NLGN4X: variants seen among roughly 807,000 people sequenced by gnomAD.
NLGN4X encodes the protein neuroligin 4 X-linked.
Under a neutral mutation model 40.3 loss-of-function variants are expected in NLGN4X, and 3 were observed. The ratio of observed to expected loss-of-function variants is 0.07; its 90% CI spans 0.03 to 0.19. The LOEUF is 0.19. NLGN4X is among the 10% of genes least tolerant of loss of function. NLGN4X has a pLI of 1.00. For synonymous variants in NLGN4X, 270 were observed against 306.8 expected, an observed-to-expected ratio of 0.88 and a Z score of 1.25; for missense variants, 382 against 708.3, an observed-to-expected ratio of 0.54 and a Z score of 5.23.
intron 2 of NLGN4X, among the ~76,000 whole-genome samples, chrX:6,049,233 AGGGG>A (rs1466598784): frequency 0.34 from 311 of 928 alleles, 18 homozygotes; most frequent in East Asian, 0.56. Flanking sequence ...AGGAAAGGGG[AGGGG>A]AGGGGAGGGG....
intron 2 of NLGN4X, among the ~76,000 whole-genome samples, chrX:6,055,168 A>G (rs1396189674): frequency 8.9e-6 from 1 of 111,866 alleles, no homozygotes; most frequent in Non-Finnish European, 1.9e-5. Context: ...TGGCAGGCAG[A>G]CAAAACCCTT....
intron 3 of NLGN4X, among the ~76,000 whole-genome samples, chrX:5,929,041 A>G (rs1352697522): frequency 9.0e-6 from 1 of 110,918 alleles, no homozygotes; most frequent in East Asian, 2.8e-4. Flanking sequence ...GGAAAATGCA[A>G]TGATTATTAT....
At chrX:6,007,527 C>A (rs969230047) in intron 3 of NLGN4X, among the ~76,000 whole-genome samples, 16 of 112,026 alleles carry the variant, frequency 1.4e-4, no homozygotes, top group African/African-American at 5.2e-4. Flanking sequence ...TTTCTTAAAA[C>A]ATTGTATTAT....
chrX:5,925,871 T>C lies in NLGN4X; in HGVS notation c.626-16632A>G, dbSNP rs1266554356. On this transcript the variant is annotated intron_variant, in intron 3 of 5. Coordinates refer to ENST00000381095, the MANE Select transcript of NLGN4X (RefSeq NM_181332.3). Reference sequence around the variant, plus strand: ...ATACACATATATATATATATATATATACATACACACATATATATATATATA... The same window carrying C: ...ATACACATATATATATATATATATACACATACACACATATATATATATATA... Among the ~76,000 whole-genome samples the C allele has an allele frequency of 1.0e-3, 34 of 32,522 alleles. 1 individual carries two copies. Among genetic ancestry groups the C allele is most frequent in the Middle Eastern group, 0.02 (1 of 50 alleles). 28.2% of individuals were successfully genotyped at this position (32,522 alleles called of 115,157 possible). A position where few individuals can be genotyped will look rare whatever the true frequency, so the allele number is the denominator to read the frequency against.
intron 5 of NLGN4X, among the ~76,000 whole-genome samples, chrX:5,894,858 A>G (rs771372921): frequency 2.0e-4 from 22 of 112,468 alleles, no homozygotes; most frequent in African/African-American, 6.4e-4. Context: ...GTTATGTACT[A>G]GTTAGCACTG....
At chrX:6,192,213 A>C (rs928483010) in intron 1 of NLGN4X, among the ~76,000 whole-genome samples, 19 of 111,075 alleles carry the variant, frequency 1.7e-4, no homozygotes, top group African/African-American at 5.9e-4. Flanking sequence ...ACACAGCCTC[A>C]AACTCCTGAG....
At chrX:6,012,254 G>A (rs546544746) in intron 3 of NLGN4X, among the ~76,000 whole-genome samples, 1 of 112,661 alleles carries the variant, frequency 8.9e-6, no homozygotes, top group African/African-American at 3.2e-5. Context: ...CACAAGTTTT[G>A]TGGCCAACGG....
At chrX:6,081,031 G>T (rs2038335217) in intron 2 of NLGN4X, among the ~76,000 whole-genome samples, 1 of 110,136 alleles carries the variant, frequency 9.1e-6, no homozygotes, top group Non-Finnish European at 1.9e-5. Context: ...ATTCGCACCT[G>T]TAATCCCAGC....
chrX:5,922,496 T>G (rs992089960), intron 3 of NLGN4X, among the ~76,000 whole-genome samples: 3 of 111,793 alleles, frequency 2.7e-5, no homozygotes, highest in Non-Finnish European at 5.6e-5. Flanking sequence ...TAAAACTAAA[T>G]AAATGAAATG....
Position 5,892,045 on chromosome X carries a change from GTGTATATA to G in NLGN4X, c.*764_*771del. ...TGATATGACTAATGTGTGTGTGTGT[GTGTATATA>G]TATATATATTTATATACGTACAGAG... On this transcript the variant is annotated 3_prime_UTR_variant, in exon 6 of 6. Transcript: ENST00000381095. The G allele has an allele frequency of 8.2e-6, 1 of 121,479 alleles. No homozygotes were observed. The highest frequency in any genetic ancestry group is 1.7e-5 in the Non-Finnish European group (1 of 59,597). The allele number at this position is 121,479 out of a possible 1,213,427, so 10.0% of individuals were successfully genotyped here.
At chrX:6,157,551 C>T (rs1300800286) in intron 1 of NLGN4X, among the ~76,000 whole-genome samples, 2 of 111,565 alleles carry the variant, frequency 1.8e-5, no homozygotes, top group East Asian at 2.8e-4. Context: ...GCTTGGGGGG[C>T]TTATAAACCA....
intron 2 of NLGN4X, among the ~76,000 whole-genome samples, chrX:6,032,907 A>G (rs746319155): frequency 9.0e-6 from 1 of 111,692 alleles, no homozygotes; most frequent in East Asian, 2.8e-4. Flanking sequence ...TTGGATTTCA[A>G]AAAAATGAGA....
chrX:5,906,048 C>T (rs1386928711), intron 4 of NLGN4X, among the ~76,000 whole-genome samples: 1 of 111,937 alleles, frequency 8.9e-6, no homozygotes, highest in Non-Finnish European at 1.9e-5. Flanking sequence ...TAATAATTTC[C>T]AACCTATTGA....
At chrX:5,936,821 C>A (rs578041153) in intron 3 of NLGN4X, among the ~76,000 whole-genome samples, 1 of 112,010 alleles carries the variant, frequency 8.9e-6, no homozygotes, top group African/African-American at 3.2e-5. Context: ...TGTTAAATCA[C>A]GAGTGGCAGA....
chrX:6,169,792 C>T (rs1433746909), intron 1 of NLGN4X, among the ~76,000 whole-genome samples: 1 of 111,440 alleles, frequency 9.0e-6, no homozygotes, highest in Non-Finnish European at 1.9e-5. Context: ...ATTCCACACA[C>T]GAGAACATTC....
intron 2 of NLGN4X, among the ~76,000 whole-genome samples, chrX:6,041,728 C>A (rs1238062088): frequency 7.1e-5 from 8 of 112,387 alleles, no homozygotes; most frequent in Non-Finnish European, 1.9e-5. Context: ...CACCATATTC[C>A]TTAATTTGCA....
intron 2 of NLGN4X, among the ~76,000 whole-genome samples, chrX:6,082,232 G>A (rs2038366949): frequency 8.9e-6 from 1 of 111,758 alleles, no homozygotes; most frequent in Non-Finnish European, 1.9e-5. Flanking sequence ...AAATGAGGTA[G>A]GCATTAAAAT....
At chrX:6,022,371 A>T (rs2036580291) in intron 3 of NLGN4X, among the ~76,000 whole-genome samples, 1 of 112,401 alleles carries the variant, frequency 8.9e-6, no homozygotes, top group South Asian at 3.7e-4. Context: ...GATGTGTTCC[A>T]TTTATCATTT....
At chrX:6,216,876 T>C (rs1241730745) in intron 1 of NLGN4X, among the ~76,000 whole-genome samples, 2 of 112,049 alleles carry the variant, frequency 1.8e-5, no homozygotes, top group African/African-American at 6.5e-5. Context: ...CTCAAACTCC[T>C]GATATACTCC....
Sources: allele counts gnomAD v4.1 joint callset (sites outside exome capture counted in the v4.1 genomes callset), GRCh38; gene constraint gnomAD v4.1.1; transcripts MANE v1.5; gene names NCBI Gene and HGNC (gene_info 2026-07-23, HGNC 2026-07-21).